CAMK4: variants seen among roughly 807,000 people sequenced by gnomAD.
CAMK4 encodes calcium/calmodulin-dependent protein kinase type IV.
CAMK4 carries 22 observed loss-of-function variants against 44.9 expected under a neutral mutation model. That is an observed-to-expected ratio of 0.49 (90% confidence interval 0.35 to 0.70). The LOEUF (loss-of-function observed/expected upper bound fraction) is 0.70, where lower values mean the gene tolerates loss of function less well. Among genes scored for constraint, CAMK4 ranks in the 30% least tolerant of loss-of-function variants. The pLI, the probability that CAMK4 is intolerant of heterozygous loss-of-function variation, is 0.01. For missense variants in CAMK4, 498 were observed against 586.8 expected, an observed-to-expected ratio of 0.85 and a Z score of 1.56; for synonymous variants, 218 against 215.4, an observed-to-expected ratio of 1.01 and a Z score of -0.11.
chr5:111,274,687 T>A (rs1271580233), intron 1 of CAMK4, among the ~76,000 whole-genome samples: 2 of 152,166 alleles, frequency 1.3e-5, no homozygotes, highest in Non-Finnish European at 2.9e-5. Context: ...TTATACCAAT[T>A]TATTCCCTTC....
chr5:111,389,650 C>T (rs115521745), intron 4 of CAMK4, among the ~76,000 whole-genome samples: 1 of 152,124 alleles, frequency 6.6e-6, no homozygotes, highest in African/African-American at 2.4e-5. Flanking sequence ...AAAGCTCTAG[C>T]CTGGGTGAGT....
intron 6 of CAMK4, among the ~76,000 whole-genome samples, chr5:111,448,852 T>C (rs1308427049): frequency 1.3e-5 from 2 of 152,132 alleles, no homozygotes; most frequent in Non-Finnish European, 2.9e-5. Flanking sequence ...AATTGCTTAT[T>C]TGCTGAAAGC....
chr5:111,302,457 C>T (rs1271228919), intron 1 of CAMK4: 8 of 147,752 alleles, frequency 5.4e-5, no homozygotes, highest in Admixed American at 4.7e-4. Flanking sequence ...CAGGGAGTTC[C>T]CTTTCCAAGT....
At chr5:111,331,176 C>T (rs436099) in intron 1 of CAMK4, among the ~76,000 whole-genome samples, 1,546 of 151,570 alleles carry the variant, frequency 0.01, 24 homozygotes, top group African/African-American at 0.035. Flanking sequence ...ACAAAGCAAA[C>T]TATTGACTGG....
chr5:111,300,465 A>T (rs920697731), intron 1 of CAMK4, among the ~76,000 whole-genome samples: 1 of 152,254 alleles, frequency 6.6e-6, no homozygotes, highest in African/African-American at 2.4e-5. Context: ...TGAAAAGTAT[A>T]ATCTTTGCAT....
intron 7 of CAMK4, among the ~76,000 whole-genome samples, chr5:111,450,860 T>C (rs1214626964): frequency 3.3e-5 from 5 of 151,924 alleles, no homozygotes; most frequent in Admixed American, 3.3e-4. Context: ...GTGTTGTATG[T>C]ATCGAAAGCC....
In CAMK4 at chr5:111,484,713, G is replaced by C; in HGVS notation, c.*247G>C. On this transcript the variant is annotated 3_prime_UTR_variant, in exon 11 of 11. Transcript: ENST00000282356. The surrounding 1 kb of genome is among the most constrained non-coding windows in gnomAD (Gnocchi z 5.3). Reference sequence around the variant, plus strand: ...GTTAAATCTTGCAAGTTAACACAACGTAACACTTAAAAGCATACATTTTCA... The same window carrying C: ...GTTAAATCTTGCAAGTTAACACAACCTAACACTTAAAAGCATACATTTTCA... 1 of 338,424 alleles carries C rather than the reference G, an allele frequency of 3.0e-6. No homozygotes were observed. The highest frequency in any genetic ancestry group is 5.3e-6 in the Non-Finnish European group (1 of 188,590). 21.0% of individuals were successfully genotyped at this position (338,424 alleles called of 1,614,324 possible). A position where few individuals can be genotyped will look rare whatever the true frequency, so the allele number is the denominator to read the frequency against.
At chr5:111,320,041 C>T (rs1748593950) in intron 1 of CAMK4, among the ~76,000 whole-genome samples, 1 of 152,090 alleles carries the variant, frequency 6.6e-6, no homozygotes, top group African/African-American at 2.4e-5. Flanking sequence ...ATTTATGTGC[C>T]ATACGAGACG....
At chr5:111,401,859 A>G (rs1011345135) in intron 5 of CAMK4, among the ~76,000 whole-genome samples, 1 of 152,166 alleles carries the variant, frequency 6.6e-6, no homozygotes, top group African/African-American at 2.4e-5. Context: ...TGGACTTGTG[A>G]AGAGGGCTCC....
At chr5:111,324,519 AAAGTCAT>A (rs1288697610) in intron 1 of CAMK4, among the ~76,000 whole-genome samples, 2 of 152,120 alleles carry the variant, frequency 1.3e-5, no homozygotes, top group Non-Finnish European at 2.9e-5. Context: ...AATACATCAG[AAAGTCAT>A]AATTCTAAAT....
chr5:111,445,000 G>A (rs950516433), intron 5 of CAMK4, among the ~76,000 whole-genome samples: 1 of 152,214 alleles, frequency 6.6e-6, no homozygotes, highest in African/African-American at 2.4e-5. Flanking sequence ...TTGTGTGAGT[G>A]AAAATTGATG....
intron 1 of CAMK4, among the ~76,000 whole-genome samples, chr5:111,332,037 C>T (rs1019459980): frequency 9.2e-5 from 14 of 151,674 alleles, no homozygotes; most frequent in African/African-American, 1.7e-4. Flanking sequence ...TTTAAATATA[C>T]GACTAAATAT....
chr5:111,418,941 C>G (rs1406403974), intron 5 of CAMK4, among the ~76,000 whole-genome samples: 2 of 152,070 alleles, frequency 1.3e-5, no homozygotes, highest in East Asian at 3.9e-4. Context: ...GATTTATAGG[C>G]CTTTGGGTAT....
intron 6 of CAMK4, 39 bp from the exon 7 acceptor site, chr5:111,449,090 G>T: frequency 1.2e-6 from 1 of 844,886 alleles, no homozygotes; most frequent in South Asian, 1.5e-5. Flanking sequence ...TAAAAGCTGA[G>T]AAGACGTGCT....
At position 111,238,966 on chromosome 5, in the gene CAMK4, C is replaced by T. The variant is rs546833441; in HGVS notation, c.161+14322C>T. ...AGCACCTTGGATCCCACTGTGCATC[C>T]GTACCTGTTGGCTTTCCAAGTGTCA... On this transcript the variant is annotated intron_variant, in intron 1 of 10. Transcript: ENST00000282356. 5.9e-5 allele frequency among the ~76,000 whole-genome samples: 9 copies of T among 151,720 alleles called. No individual in the cohort carries two copies. In the South Asian group the frequency reaches 8.4e-4, roughly 14 times the overall value.
At chr5:111,385,697 C>T (rs951016766) in intron 4 of CAMK4, among the ~76,000 whole-genome samples, 5 of 152,080 alleles carry the variant, frequency 3.3e-5, no homozygotes, top group African/African-American at 1.2e-4. Flanking sequence ...CCTTAGCCTC[C>T]CCAGTAACTG....
At chr5:111,326,527 A>G (rs1748894428) in intron 1 of CAMK4, among the ~76,000 whole-genome samples, 1 of 151,918 alleles carries the variant, frequency 6.6e-6, no homozygotes, top group African/African-American at 2.4e-5. Flanking sequence ...TAAAAAGTAA[A>G]TAATGCCAGT....
At chr5:111,349,596 C>T (rs547103289) in intron 2 of CAMK4, among the ~76,000 whole-genome samples, 3 of 152,082 alleles carry the variant, frequency 2.0e-5, no homozygotes, top group Non-Finnish European at 4.4e-5. Flanking sequence ...CTGGACTGAA[C>T]TCTGCTGAGT....
At chr5:111,478,290 GA>G in intron 8 of CAMK4, 90 bp from the exon 9 acceptor site, 2 of 752,862 alleles carry the variant, frequency 2.7e-6, no homozygotes, top group Non-Finnish European at 4.1e-6. Flanking sequence ...AGGAAGCAGT[GA>G]AAAAGAACAG....
Sources: allele counts gnomAD v4.1 joint callset (sites outside exome capture counted in the v4.1 genomes callset), GRCh38; gene constraint gnomAD v4.1.1; non-coding constraint Gnocchi (gnomAD v3.1); transcripts MANE v1.5; gene names NCBI Gene and HGNC (gene_info 2026-07-23, HGNC 2026-07-21).